The following SGTB variants were observed in gnomAD, a reference collection of about 807,000 sequenced individuals.
SGTB encodes small glutamine rich tetratricopeptide repeat co-chaperone beta, also known as small glutamine-rich tetratricopeptide repeat-containing protein beta.
A neutral mutation model predicts 43.9 loss-of-function variants in SGTB; 19 were observed. The observed-to-expected ratio is 0.43, with a 90% CI of 0.30 to 0.63. The LOEUF (loss-of-function observed/expected upper bound fraction) is 0.63. Among genes scored for constraint, SGTB ranks in the 30% least tolerant of loss-of-function variants. The pLI, the probability that SGTB is intolerant of heterozygous loss-of-function variation, is 0.12. For synonymous variants in SGTB, 116 were observed against 117.3 expected, an observed-to-expected ratio of 0.99 and a Z score of 0.07; for missense variants, 304 against 358.9, an observed-to-expected ratio of 0.85 and a Z score of 1.24.
intron 2 of SGTB, among the ~76,000 whole-genome samples, chr5:65,714,444 T>C (rs1268652499): frequency 6.6e-6 from 1 of 152,232 alleles, no homozygotes; most frequent in Non-Finnish European, 1.5e-5. Context: ...CTATTTTTAT[T>C]GTATGGCAAA....
At chr5:65,682,325 T>C (rs970160154) in intron 6 of SGTB, among the ~76,000 whole-genome samples, 13 of 152,222 alleles carry the variant, frequency 8.5e-5, no homozygotes, top group African/African-American at 3.1e-4. Flanking sequence ...GGACCATTGC[T>C]TGGAGTTTGA....
At chr5:65,722,271 C>A, upstream of SGTB, 2 of 876,454 alleles carry the variant, frequency 2.3e-6, no homozygotes, top group Non-Finnish European at 3.3e-6. Context: ...GCCTCTGCGG[C>A]TAGGCCGGCT....
chr5:65,701,009 CAA>C (rs1161067337), intron 5 of SGTB, among the ~76,000 whole-genome samples: 3 of 16,118 alleles, frequency 1.9e-4, no homozygotes, highest in East Asian at 1.6e-3. Context: ...GACTCCGTCT[CAA>C]AAAAAAAAAA....
chr5:65,672,185 TAGG>T, intron 9 of SGTB, 56 bp downstream of exon 9: 2 of 1,608,512 alleles, frequency 1.2e-6, no homozygotes, highest in Non-Finnish European at 8.5e-7. Flanking sequence ...GTGCTCAAAT[TAGG>T]AGCCTGGCAA....
intron 8 of SGTB, among the ~76,000 whole-genome samples, chr5:65,675,308 G>A (rs936080072): frequency 1.3e-5 from 2 of 152,174 alleles, no homozygotes; most frequent in African/African-American, 4.8e-5. Context: ...AATGCTGAGG[G>A]GCAAGCTAGG....
intron 8 of SGTB, among the ~76,000 whole-genome samples, chr5:65,672,789 A>C (rs561790883): frequency 2.6e-5 from 4 of 152,354 alleles, no homozygotes; most frequent in Admixed American, 2.6e-4. Context: ...GGTAATGTCG[A>C]CAATATTTAT....
In SGTB at chr5:65,696,070, C is replaced by T. The variant is rs148728368; in HGVS notation, c.374+8209G>A. On this transcript the variant is annotated intron_variant, in intron 5 of 10. Coordinates refer to ENST00000381007, the MANE Select transcript of SGTB (RefSeq NM_019072.3). ...GCCTCTGTTCCCATCTTTCTCAGAG[C>T]TCACACGGCTACGTGCTGTCACTAG... Among the ~76,000 whole-genome samples, 173 of 152,348 alleles carry T rather than the reference C, an allele frequency of 1.1e-3. 1 individual carries two copies. The highest frequency in any genetic ancestry group is 4.0e-3 in the African/African-American group (168 of 41,586).
chr5:65,672,238 A>T lies in SGTB; in HGVS notation c.719+6T>A. ...GAAGTGTAATAAGCTCTTTCTATAT[A>T]CTTACAGCTGTTGAACTTGAGGGTT... On this transcript the variant is annotated splice_donor_region_variant and intron_variant, in intron 9 of 10. Coordinates refer to ENST00000381007, the MANE Select transcript of SGTB (RefSeq NM_019072.3). 1 of 1,613,988 alleles carries T rather than the reference A, an allele frequency of 6.2e-7. No homozygotes were observed.
intron 3 of SGTB, among the ~76,000 whole-genome samples, chr5:65,712,177 GA>G (rs1265407966): frequency 6.6e-6 from 1 of 152,194 alleles, no homozygotes; most frequent in African/African-American, 2.4e-5. Context: ...TAAGGTGGGA[GA>G]ATTGAGGACT....
At chr5:65,722,344 G>T (rs1394009732), upstream of SGTB, 3 of 1,535,930 alleles carry the variant, frequency 2.0e-6, no homozygotes, top group Middle Eastern at 1.8e-4. Context: ...AGGACCACGC[G>T]CCCGCCGCCG....
chr5:65,712,497 A>G (rs9291844), intron 3 of SGTB, among the ~76,000 whole-genome samples: 8,722 of 152,248 alleles, frequency 0.057, 807 homozygotes, highest in African/African-American at 0.2. Context: ...AAGGAGCCCC[A>G]TCAATGGGCA....
rs573291834 is a variant in SGTB at position 65,704,658 on chromosome 5, T to A, written c.275-280A>T. On this transcript the variant is annotated intron_variant, in intron 4 of 10. Transcript: ENST00000381007. ...AGAGTAAATGCAACAATTATGACTA[T>A]CTCATGGCAAAAGTGAATCTCTTCT... Among the ~76,000 whole-genome samples the A allele has an allele frequency of 1.6e-4, 24 of 152,308 alleles. No individual in the cohort carries two copies. The South Asian group carries it at 5.0e-3, about 32-fold the overall frequency.
chr5:65,721,597 G>C (rs989340831), intron 1 of SGTB, among the ~76,000 whole-genome samples: 2 of 152,132 alleles, frequency 1.3e-5, no homozygotes, highest in African/African-American at 4.8e-5. Context: ...TCAAAGCCAG[G>C]GTGTGGTACC....
intron 3 of SGTB, among the ~76,000 whole-genome samples, chr5:65,709,661 G>T (rs1758007888): frequency 6.6e-6 from 1 of 152,220 alleles, no homozygotes; most frequent in Non-Finnish European, 1.5e-5. Context: ...ACAGGCATGA[G>T]CCACTGCGCC....
chr5:65,688,216 G>GA (rs542027405), intron 5 of SGTB, among the ~76,000 whole-genome samples: 6 of 151,896 alleles, frequency 4.0e-5, no homozygotes, highest in African/African-American at 1.5e-4. Context: ...GCCACTGGAA[G>GA]AAAAAAAATC....
chr5:65,716,666 A>G (rs950964944), intron 2 of SGTB, among the ~76,000 whole-genome samples: 1 of 152,202 alleles, frequency 6.6e-6, no homozygotes, highest in Non-Finnish European at 1.5e-5. Context: ...AATTGCATAC[A>G]GAACAGATTT....
chr5:65,716,638 CAT>C (rs1758157679), intron 2 of SGTB, among the ~76,000 whole-genome samples: 1 of 152,152 alleles, frequency 6.6e-6, no homozygotes, highest in South Asian at 2.1e-4. Context: ...ATGACGCTGA[CAT>C]AAACAGAGAT....
At chr5:65,713,296 C>T (rs1758078184) in intron 2 of SGTB, among the ~76,000 whole-genome samples, 1 of 152,000 alleles carries the variant, frequency 6.6e-6, no homozygotes, top group Non-Finnish European at 1.5e-5. Context: ...TTCCCTTCTC[C>T]TTCCCCTTCC....
intron 5 of SGTB, among the ~76,000 whole-genome samples, chr5:65,692,599 T>C (rs1201830422): frequency 6.6e-6 from 1 of 152,098 alleles, no homozygotes; most frequent in East Asian, 1.9e-4. Flanking sequence ...GTCTATCTCG[T>C]GAAAAACAAT....
Sources: allele counts gnomAD v4.1 joint callset (sites outside exome capture counted in the v4.1 genomes callset), GRCh38; gene constraint gnomAD v4.1.1; transcripts MANE v1.5; gene names NCBI Gene and HGNC (gene_info 2026-07-23, HGNC 2026-07-21).